LAMTOR3: variants seen among roughly 807,000 people sequenced by gnomAD.
LAMTOR3 encodes the protein late endosomal/lysosomal adaptor, MAPK and MTOR activator 3.
Under a neutral mutation model 20.3 loss-of-function variants are expected in LAMTOR3, and 14 were observed. The observed-to-expected ratio is 0.69, with a 90% CI of 0.46 to 1.08. LAMTOR3 has a LOEUF of 1.08. Ranked by LOEUF, LAMTOR3 falls within the 50% of genes least tolerant of loss-of-function variation. LAMTOR3 has a pLI of 0.00. For missense variants in LAMTOR3, 125 were observed against 143.7 expected, an observed-to-expected ratio of 0.87 and a Z score of 0.67; for synonymous variants, 40 against 49.4, an observed-to-expected ratio of 0.81 and a Z score of 0.80.
rs1578206165 is a variant in LAMTOR3, at chr4:99,894,427, T to C, written c.-130A>G. ...CCTCAAGCCACCGTCACATGATTCA[T>C]GACCTCGTCTGCGCTCCAGGAAGCA... On this transcript the variant is annotated 5_prime_UTR_variant, in exon 1 of 7. An upstream start codon of the reference 5' UTR is lost. Coordinates refer to ENST00000499666, the MANE Select transcript of LAMTOR3 (RefSeq NM_021970.4). 2.6e-5 allele frequency: 4 copies of C among 154,252 alleles called. No homozygotes were observed. The highest frequency in any genetic ancestry group is 4.1e-4 in the South Asian group (2 of 4,844). The allele number at this position is 154,252 out of a possible 1,614,324, so 9.6% of individuals were successfully genotyped here.
At chr4:99,890,159 C>T (rs1724996751) in intron 3 of LAMTOR3, among the ~76,000 whole-genome samples, 2 of 152,240 alleles carry the variant, frequency 1.3e-5, no homozygotes, top group East Asian at 1.9e-4. Flanking sequence ...CTTACTAAAA[C>T]AACCATTTTT....
intron 3 of LAMTOR3, among the ~76,000 whole-genome samples, chr4:99,890,119 G>T (rs1314901604): frequency 6.6e-6 from 1 of 152,142 alleles, no homozygotes; most frequent in Non-Finnish European, 1.5e-5. Flanking sequence ...TAAATTTTGT[G>T]AAATATTCTG....
At chr4:99,887,406 A>G in intron 3 of LAMTOR3, 52 bp from the exon 4 acceptor site, 1 of 811,498 alleles carries the variant, frequency 1.2e-6, no homozygotes, top group Non-Finnish European at 1.8e-6. Flanking sequence ...ATAAAATTTT[A>G]AAAAGTTAAA....
chr4:99,888,565 C>T (rs1724969097), intron 3 of LAMTOR3, among the ~76,000 whole-genome samples: 2 of 152,174 alleles, frequency 1.3e-5, no homozygotes, highest in Non-Finnish European at 2.9e-5. Flanking sequence ...TAAACTACAA[C>T]TCAGAGATAT....
At chr4:99,888,627 A>C (rs934094879) in intron 3 of LAMTOR3, among the ~76,000 whole-genome samples, 2 of 152,212 alleles carry the variant, frequency 1.3e-5, no homozygotes, top group African/African-American at 2.4e-5. Context: ...TGTTAACTTT[A>C]ATGTATTAAC....
At chr4:99,894,072 G>A in intron 1 of LAMTOR3, 72 bp from the exon 2 acceptor site, 2 of 1,007,088 alleles carry the variant, frequency 2.0e-6, no homozygotes, top group African/African-American at 1.7e-5. Flanking sequence ...CTTAATACGC[G>A]AGATCAGCCC....
intron 1 of LAMTOR3, 135 bp from the exon 2 acceptor site, chr4:99,894,135 C>T (rs1725077953): frequency 4.0e-6 from 2 of 502,108 alleles, no homozygotes; most frequent in South Asian, 4.7e-5. Flanking sequence ...CCAGCGAGCC[C>T]AGTGGGAGTC....
intron 3 of LAMTOR3, among the ~76,000 whole-genome samples, chr4:99,891,448 A>C (rs1422823090): frequency 6.6e-6 from 1 of 152,180 alleles, no homozygotes; most frequent in Non-Finnish European, 1.5e-5. Flanking sequence ...CTACATAAAT[A>C]ATTATGTAAT....
At position 99,878,784 on chromosome 4, in the gene LAMTOR3, G is replaced by C. The variant is rs1724760381; in HGVS notation, c.*3210C>G. 1 of 152,140 alleles carries C rather than the reference G, an allele frequency of 6.6e-6. No individual in the cohort carries two copies. Among genetic ancestry groups the C allele is most frequent in the Non-Finnish European group, 1.5e-5 (1 of 68,018 alleles). 9.4% of individuals were successfully genotyped at this position (152,140 alleles called of 1,614,324 possible). A position where few individuals can be genotyped will look rare whatever the true frequency, so the allele number is the denominator to read the frequency against. ...CTCTGTAATTTATTATCTAAAGTGA[G>C]ACATTGAGAATGAAAGCACTATTAA... On this transcript the variant is annotated 3_prime_UTR_variant, in exon 7 of 7. Transcript: ENST00000499666.
intron 2 of LAMTOR3, among the ~76,000 whole-genome samples, chr4:99,892,988 C>T (rs939210109): frequency 6.6e-6 from 1 of 152,036 alleles, no homozygotes; most frequent in Non-Finnish European, 1.5e-5. Context: ...CCCAGTGTTA[C>T]AGAATATAAA....
chr4:99,886,380 T>C (rs1013307206), intron 4 of LAMTOR3, among the ~76,000 whole-genome samples: 1 of 152,240 alleles, frequency 6.6e-6, no homozygotes, highest in Non-Finnish European at 1.5e-5. Context: ...TGTCCGACTT[T>C]GGACGGCAAT....
rs556943807 is a variant in LAMTOR3 at position 99,887,458 on chromosome 4, CATA to C, written c.45-107_45-105del. 57 of 416,170 alleles carry C rather than the reference CATA, an allele frequency of 1.4e-4. 1 individual carries two copies. The South Asian group carries it at 2.7e-3, about 20-fold the overall frequency. The allele number at this position is 416,170 out of a possible 1,614,324, so 25.8% of individuals were successfully genotyped here. On this transcript the variant is annotated intron_variant, in intron 3 of 6. Transcript: ENST00000499666. ...TTTCTCAAACTATGCACCTCAAAGA[CATA>C]ATAATTCTCATGTATTTTCTGAAAA...
At chr4:99,886,969 A>G (rs893580981) in intron 4 of LAMTOR3, among the ~76,000 whole-genome samples, 1 of 150,088 alleles carries the variant, frequency 6.7e-6, no homozygotes, top group African/African-American at 2.4e-5. Flanking sequence ...GTCTGTGTGT[A>G]TATCTAGCTG....
rs1724804563 is a variant in LAMTOR3, at chr4:99,880,496, G to C, written c.*1498C>G. ...TAATCCCAGCTACAAGGGAGAATGG[G>C]GCATGAGAACAGCTTGAACCCAGGA... On this transcript the variant is annotated 3_prime_UTR_variant, in exon 7 of 7. Coordinates refer to ENST00000499666, the MANE Select transcript of LAMTOR3 (RefSeq NM_021970.4). 1 of 152,108 alleles carries C rather than the reference G, an allele frequency of 6.6e-6. No individual in the cohort carries two copies. The highest frequency in any genetic ancestry group is 2.4e-5 in the African/African-American group (1 of 41,492). 9.4% of individuals were successfully genotyped at this position (152,108 alleles called of 1,614,324 possible).
intron 6 of LAMTOR3, 85 bp downstream of exon 6, chr4:99,883,977 C>T: frequency 1.0e-6 from 1 of 988,868 alleles, no homozygotes; most frequent in East Asian, 2.7e-5. Flanking sequence ...TCTAAATCTA[C>T]TATTCCTCTT....
chr4:99,892,173 T>G, intron 2 of LAMTOR3, 139 bp from the exon 3 acceptor site: 1 of 1,377,056 alleles, frequency 7.3e-7, no homozygotes. Flanking sequence ...TCTGTCTGAT[T>G]TGGATGTTTA....
Position 99,891,953 on chromosome 4 carries a change from CAT to C in LAMTOR3, c.44+45_44+46del, listed in dbSNP as rs529362019. Reference sequence around the variant, plus strand: ...CAGACAAAATGCTTCATAAAATTAACATATGGCATATAGAATTTATTCAATAA... The same window carrying C: ...CAGACAAAATGCTTCATAAAATTAACATGGCATATAGAATTTATTCAATAA... On this transcript the variant is annotated intron_variant, in intron 3 of 6. Coordinates refer to ENST00000499666, the MANE Select transcript of LAMTOR3 (RefSeq NM_021970.4). 380 of 1,547,374 alleles carry C rather than the reference CAT, an allele frequency of 2.5e-4. 3 individuals carry two copies. The South Asian group carries it at 4.5e-3, about 18-fold the overall frequency.
intron 3 of LAMTOR3, among the ~76,000 whole-genome samples, chr4:99,889,131 G>GGTTGCA (rs1378571039): frequency 6.6e-6 from 1 of 152,076 alleles, no homozygotes. Flanking sequence ...ATTGAACCTG[G>GGTTGCA]GTTGCAGTGA....
At chr4:99,882,493 T>C (rs1435954894) in intron 6 of LAMTOR3, among the ~76,000 whole-genome samples, 1 of 152,138 alleles carries the variant, frequency 6.6e-6, no homozygotes, top group East Asian at 1.9e-4. Context: ...TCAGCATCTA[T>C]TACTAAAGTG....
Sources: allele counts gnomAD v4.1 joint callset (sites outside exome capture counted in the v4.1 genomes callset), GRCh38; gene constraint gnomAD v4.1.1; transcripts MANE v1.5; gene names NCBI Gene and HGNC (gene_info 2026-07-23, HGNC 2026-07-21).